The following TIMP2 variants were observed in gnomAD, a reference collection of about 807,000 sequenced individuals.
TIMP2 encodes the protein TIMP metallopeptidase inhibitor 2, also known as metalloproteinase inhibitor 2.
In TIMP2, 5 loss-of-function variants were observed where a neutral mutation model predicts 24.3. That is an observed-to-expected ratio of 0.21 (90% confidence interval 0.11 to 0.43). TIMP2 has a LOEUF of 0.43. Among genes scored for constraint, TIMP2 ranks in the 20% least tolerant of loss-of-function variants. The pLI is 1.00. For missense variants in TIMP2, 221 were observed against 297.5 expected (o/e 0.74, Z 1.89); for synonymous variants, 130 against 123.2 (o/e 1.06, Z -0.37).
chr17:78,891,433 T>C lies in TIMP2; in HGVS notation c.131-17514A>G. On this transcript the variant is annotated intron_variant, in intron 1 of 4. Transcript: ENST00000262768. This position sits in a 1 kb window ranked among gnomAD's most constrained non-coding sequence, Gnocchi z 4.5. ...TCAGTGCCAGGTACAAGCACAGGTG[T>C]TTTTTCAGCTTTCTGTTTATATTAA... The C allele has an allele frequency of 1.3e-6, 2 of 1,550,864 alleles. No individual in the cohort carries two copies. Among genetic ancestry groups the C allele is most frequent in the African/African-American group, 2.7e-5 (2 of 73,142 alleles).
At chr17:78,857,465 G>GT (rs754234101) in intron 4 of TIMP2, 57 bp downstream of exon 4, 65 of 1,608,494 alleles carry the variant, frequency 4.0e-5, no homozygotes, top group Non-Finnish European at 5.4e-5. Context: ...AATCCCTGCC[G>GT]TCCATCTGGA....
chr17:78,872,952 C>T (rs2069698111), intron 2 of TIMP2, among the ~76,000 whole-genome samples: 1 of 152,046 alleles, frequency 6.6e-6, no homozygotes, highest in Non-Finnish European at 1.5e-5. Flanking sequence ...CCTCAGCCTC[C>T]CAAGTAGCTG....
intron 1 of TIMP2, among the ~76,000 whole-genome samples, chr17:78,912,635 C>G (rs1479596537): frequency 1.3e-5 from 2 of 152,192 alleles, no homozygotes; most frequent in Non-Finnish European, 2.9e-5. Context: ...CCACTTCTTC[C>G]CAGGCCACCT....
intron 1 of TIMP2, among the ~76,000 whole-genome samples, chr17:78,881,769 C>T (rs1240275196): frequency 8.5e-5 from 13 of 152,242 alleles, no homozygotes; most frequent in Admixed American, 5.9e-4. Context: ...TGTGACGTTC[C>T]ACGCCTTGTC....
In TIMP2 at chr17:78,857,597, G is replaced by A. The variant is rs145756196; in HGVS notation, c.390C>T (p.Ile130=). Residue 130 remains isoleucine, a synonymous_variant, in exon 4 of 5, where the codon ATC becomes ATT. Coordinates refer to ENST00000262768, the MANE Select transcript of TIMP2 (RefSeq NM_003255.5). ...GKMHITLCDF[I]VPWDTLSTTQ... is the part of the protein sequence containing the mutation. The stretch of plus-strand genomic sequence containing the variant: ...TGGTGCTCAGGGTGTCCCAGGGCAC[G>A]ATGAAGTCACAGAGGGTGATGTGCA... The A allele has an allele frequency of 2.4e-4, 394 of 1,614,172 alleles. 1 individual carries two copies. In the African/African-American group the frequency reaches 4.5e-3, roughly 18 times the overall value.
At position 78,858,588 on chromosome 17, in the gene TIMP2, A is replaced by G. The variant is rs561957878; in HGVS notation, c.341-942T>C. The stretch of plus-strand genomic sequence containing the variant: ...CAGGCCAGAGTGCAATGGTATGATC[A>G]TAGCTCACTGCAGCCTTGACCTCCC... On this transcript the variant is annotated intron_variant, in intron 3 of 4. Transcript: ENST00000262768. 2.6e-5 allele frequency among the ~76,000 whole-genome samples: 4 copies of G among 152,270 alleles called. No homozygotes were observed. In the East Asian group the frequency reaches 7.7e-4, roughly 29 times the overall value.
At position 78,914,046 on chromosome 17, in the gene TIMP2, GAGA is replaced by G. The variant is rs2070232604; in HGVS notation, c.130+10910_130+10912del. On this transcript the variant is annotated intron_variant, in intron 1 of 4. Coordinates refer to ENST00000262768, the MANE Select transcript of TIMP2 (RefSeq NM_003255.5). Reference sequence around the variant, plus strand: ...CATTTGGGACGTGAATGGAGAGACAGAGAAGTTTTCTTTATGATGGAGAGAGGC... The same window carrying G: ...CATTTGGGACGTGAATGGAGAGACAGAGTTTTCTTTATGATGGAGAGAGGC... Among the ~76,000 whole-genome samples, 3 of 152,130 alleles carry G rather than the reference GAGA, an allele frequency of 2.0e-5. 1 individual carries two copies. Among genetic ancestry groups the G allele is most frequent in the Admixed American group, 2.0e-4 (3 of 15,264 alleles).
At chr17:78,890,849 T>G (rs1057465817) in intron 1 of TIMP2, 1 of 1,550,534 alleles carries the variant, frequency 6.4e-7, no homozygotes, top group Non-Finnish European at 8.7e-7. Context: ...GGACTTCAGA[T>G]GGGCCAGTCG....
intron 1 of TIMP2, among the ~76,000 whole-genome samples, chr17:78,875,115 T>C (rs1180534825): frequency 6.6e-6 from 1 of 152,148 alleles, no homozygotes; most frequent in Non-Finnish European, 1.5e-5. Context: ...TGACTTCAAA[T>C]GATCCACCTG....
At chr17:78,885,874 T>C (rs1043256003) in intron 1 of TIMP2, among the ~76,000 whole-genome samples, 2 of 152,144 alleles carry the variant, frequency 1.3e-5, no homozygotes, top group African/African-American at 4.8e-5. Context: ...CAGGGGAAGC[T>C]GGAGGCTGCT....
chr17:78,890,911 T>A, intron 1 of TIMP2: 6 of 1,550,838 alleles, frequency 3.9e-6, no homozygotes, highest in Non-Finnish European at 5.2e-6. Flanking sequence ...TGTAGTGGAT[T>A]TCCAAGCTCA....
chr17:78,910,403 G>A (rs919168612), intron 1 of TIMP2, among the ~76,000 whole-genome samples: 1 of 152,118 alleles, frequency 6.6e-6, no homozygotes, highest in Non-Finnish European at 1.5e-5. Flanking sequence ...ATTTTGGCCA[G>A]GCTGGTCTCA....
chr17:78,858,398 G>A (rs901835416), intron 3 of TIMP2, among the ~76,000 whole-genome samples: 1 of 151,940 alleles, frequency 6.6e-6, no homozygotes, highest in Non-Finnish European at 1.5e-5. Context: ...AGCCGAGTTG[G>A]TGCCACTGCA....
chr17:78,919,692 G>A (rs1025490209), intron 1 of TIMP2, among the ~76,000 whole-genome samples: 4 of 152,104 alleles, frequency 2.6e-5, no homozygotes, highest in Admixed American at 1.3e-4. Flanking sequence ...AAAATTAGCC[G>A]GGCATGGTGG....
intron 2 of TIMP2, among the ~76,000 whole-genome samples, chr17:78,873,164 CCAT>C (rs2069699413): frequency 6.6e-6 from 1 of 152,110 alleles, no homozygotes; most frequent in Admixed American, 6.5e-5. Flanking sequence ...ACAACTACCA[CCAT>C]ATCACACGGC....
At chr17:78,893,467 G>T (rs557232760) in intron 1 of TIMP2, among the ~76,000 whole-genome samples, 3 of 150,600 alleles carry the variant, frequency 2.0e-5, no homozygotes, top group African/African-American at 7.3e-5. Context: ...AGGGGTGTGT[G>T]TGCATAGCGG....
intron 2 of TIMP2, among the ~76,000 whole-genome samples, chr17:78,871,670 C>A (rs1031484973): frequency 6.6e-6 from 1 of 151,592 alleles, no homozygotes; most frequent in South Asian, 2.1e-4. Context: ...CATGGTGAAA[C>A]CCTGTCTCTA....
chr17:78,875,016 T>G (rs1437192560), intron 1 of TIMP2, among the ~76,000 whole-genome samples: 1 of 152,140 alleles, frequency 6.6e-6, no homozygotes, highest in African/African-American at 2.4e-5. Context: ...GCTGGGATTA[T>G]AGGCATGAGC....
chr17:78,867,700 A>T (rs1402198560), intron 3 of TIMP2, among the ~76,000 whole-genome samples: 1 of 145,528 alleles, frequency 6.9e-6, no homozygotes, highest in Non-Finnish European at 1.5e-5. Context: ...GGTTCACGCC[A>T]TTCTCCTGCC....
Sources: allele counts gnomAD v4.1 joint callset (sites outside exome capture counted in the v4.1 genomes callset), GRCh38; gene constraint gnomAD v4.1.1; non-coding constraint Gnocchi (gnomAD v3.1); transcripts MANE v1.5; gene names NCBI Gene and HGNC (gene_info 2026-07-23, HGNC 2026-07-21).